Variants in ATG13 observed in about 807,000 individuals in gnomAD.
The protein encoded by ATG13 is autophagy related 13, also known as autophagy-related protein 13.
Under a neutral mutation model 65.5 loss-of-function variants are expected in ATG13, and 23 were observed. The ratio of observed to expected loss-of-function variants is 0.35; its 90% CI spans 0.25 to 0.50. The LOEUF is 0.50. Among genes scored for constraint, ATG13 ranks in the 20% least tolerant of loss-of-function variants. ATG13 has a pLI of 0.98. For missense variants in ATG13, 566 were observed against 677.0 expected, an observed-to-expected ratio of 0.84 and a Z score of 1.82; for synonymous variants, 252 against 245.2, an observed-to-expected ratio of 1.03 and a Z score of -0.26.
Position 46,669,420 on chromosome 11 carries a change from A to G in ATG13, c.1463A>G (p.Lys488Arg). The G allele has an allele frequency of 6.2e-7, 1 of 1,614,118 alleles. No homozygotes were observed. Among genetic ancestry groups the G allele is most frequent in the Non-Finnish European group, 8.5e-7 (1 of 1,179,988 alleles). The change falls in exon 18 of 19, where the codon AAA becomes AGA. Residue 488 changes from lysine (K) to arginine (R), a missense_variant. Transcript: ENST00000683050. ...VMIDFKPAFSKDDILPMDLGT... is the reference protein window; with the variant it reads ...VMIDFKPAFSRDDILPMDLGT... ...TTTTTGAAGAAACCAGCTTTTTCTA[A>G]AGATGACATTCTTCCGATGGACCTG... is the stretch of plus-strand genomic sequence containing the variant.
intron 2 of ATG13, among the ~76,000 whole-genome samples, chr11:46,639,073 T>C (rs7126343): frequency 0.17 from 26,019 of 151,994 alleles, 2,353 homozygotes; most frequent in African/African-American, 0.22. Context: ...CTGCAACCTC[T>C]GCCTCCCGGG....
intron 1 of ATG13, among the ~76,000 whole-genome samples, chr11:46,624,662 G>A (rs2048885460): frequency 6.6e-6 from 1 of 152,042 alleles, no homozygotes; most frequent in African/African-American, 2.4e-5. Flanking sequence ...ACATCAGAAG[G>A]GATGTGAAGT....
chr11:46,634,334 G>C (rs1179140644), intron 2 of ATG13, among the ~76,000 whole-genome samples: 1 of 151,822 alleles, frequency 6.6e-6, no homozygotes, highest in Admixed American at 6.6e-5. Context: ...TCCTGATCTT[G>C]TGATCCACCG....
intron 2 of ATG13, among the ~76,000 whole-genome samples, chr11:46,640,103 C>G (rs540374221): frequency 9.9e-5 from 15 of 152,216 alleles, no homozygotes; most frequent in East Asian, 3.9e-4. Flanking sequence ...TCTTGGCCCC[C>G]CAAAGTACTG....
At chr11:46,667,665 A>T in intron 14 of ATG13, 108 bp from the exon 15 acceptor site, 1 of 737,682 alleles carries the variant, frequency 1.4e-6, no homozygotes, top group Non-Finnish European at 2.2e-6. Flanking sequence ...GCCAGTGGGG[A>T]CCAACTCCTG....
In ATG13 at chr11:46,650,270, C is replaced by T. The variant is rs940934437; in HGVS notation, c.411C>T (p.Ala137=). ...TTGCTATAACTAGGGTGACACCAGC[C>T]TATAGGCTCTCCAGGAAACAAGGGC... The part of the protein sequence containing the change: ...SLLAITRVTP[A]YRLSRKQGHE... Residue 137 remains alanine (A), a synonymous_variant, in exon 7 of 19, where the codon GCC becomes GCT. Transcript: ENST00000683050. 1.9e-6 allele frequency: 3 copies of T among 1,614,048 alleles called. No individual in the cohort carries two copies. The highest frequency in any genetic ancestry group is 1.1e-5 in the South Asian group (1 of 91,080).
At chr11:46,671,113 C>G (rs562761469) in intron 18 of ATG13, among the ~76,000 whole-genome samples, 21 of 152,298 alleles carry the variant, frequency 1.4e-4, no homozygotes, top group Non-Finnish European at 2.6e-4. Flanking sequence ...ATGCCACAGC[C>G]GTAGCCAGTT....
chr11:46,619,945 C>T (rs976431643), intron 1 of ATG13, among the ~76,000 whole-genome samples: 1 of 148,690 alleles, frequency 6.7e-6, no homozygotes, highest in African/African-American at 2.5e-5. Flanking sequence ...AGGAGAATCG[C>T]TTGAACCCAG....
chr11:46,640,932 A>G (rs2055770682), intron 2 of ATG13, among the ~76,000 whole-genome samples: 1 of 152,206 alleles, frequency 6.6e-6, no homozygotes, highest in Non-Finnish European at 1.5e-5. Flanking sequence ...AGCTAAACAT[A>G]CGTACCGTGT....
At position 46,672,517 on chromosome 11, in the gene ATG13, G is replaced by T. The variant is rs1242765647; in HGVS notation, c.*185G>T. Reference sequence around the variant, plus strand: ...CTGGAGACTCCGTGGCGGCAGTCAAGCCCAGTGCCCAGTTGGAGAAGACTC... The same window carrying T: ...CTGGAGACTCCGTGGCGGCAGTCAATCCCAGTGCCCAGTTGGAGAAGACTC... On this transcript the variant is annotated 3_prime_UTR_variant, in exon 19 of 19. Coordinates refer to ENST00000683050, the MANE Select transcript of ATG13 (RefSeq NM_001346311.2). The T allele has an allele frequency of 1.4e-6, 2 of 1,465,366 alleles. No homozygotes were observed. The highest frequency in any genetic ancestry group is 1.8e-6 in the Non-Finnish European group (2 of 1,109,632). The allele number at this position is 1,465,366 out of a possible 1,614,324, so 90.8% of individuals were successfully genotyped here.
In ATG13 at chr11:46,657,088, C is replaced by T. The variant is rs758150923; in HGVS notation, c.500-7C>T. 5.4e-5 allele frequency: 87 copies of T among 1,610,030 alleles called. No homozygotes were observed. The highest frequency in any genetic ancestry group is 6.1e-5 in the Non-Finnish European group (72 of 1,176,446). On this transcript the variant is annotated splice_region_variant and splice_polypyrimidine_tract_variant and intron_variant, in intron 8 of 18. Transcript: ENST00000683050. ...AAAAGAAGCTAATAATGTATCTCTT[C>T]TCCTAGGCTTCCAGACAGTTCGTGT...
rs1253253234 is a variant in ATG13 at position 46,673,781 on chromosome 11, C to G, written c.*1449C>G. 1 of 152,236 alleles carries G rather than the reference C, an allele frequency of 6.6e-6. No individual in the cohort carries two copies. 9.4% of individuals were successfully genotyped at this position (152,236 alleles called of 1,614,324 possible). On this transcript the variant is annotated 3_prime_UTR_variant, in exon 19 of 19. Transcript: ENST00000683050. ...TCCCAGCCTCGCTGGTAGTCCTGGT[C>G]AAGGAGATCTAGGTCTACTCCATTC...
chr11:46,656,928 TACACAC>T (rs144572744), intron 8 of ATG13, 161 bp from the exon 9 acceptor site: 12 of 578,684 alleles, frequency 2.1e-5, no homozygotes, highest in Admixed American at 1.7e-4. Context: ...TACACGCACA[TACACAC>T]ACACACACAC....
At chr11:46,647,316 C>T (rs1369167721) in intron 5 of ATG13, among the ~76,000 whole-genome samples, 4 of 135,696 alleles carry the variant, frequency 2.9e-5, no homozygotes, top group African/African-American at 8.7e-5. Flanking sequence ...GAGACAGAGT[C>T]GCGTAGGTTG....
intron 6 of ATG13, among the ~76,000 whole-genome samples, chr11:46,649,877 C>T (rs1232453737): frequency 6.6e-6 from 1 of 152,098 alleles, no homozygotes; most frequent in East Asian, 1.9e-4. Flanking sequence ...TACATGTTTG[C>T]ACCTTCAGTG....
At chr11:46,622,112 TATATATATATA>T (rs2047839098) in intron 1 of ATG13, among the ~76,000 whole-genome samples, 3 of 86,130 alleles carry the variant, frequency 3.5e-5, no homozygotes, top group Admixed American at 1.1e-4. Context: ...TATATATATA[TATATATATATA>T]TATATTTATT....
chr11:46,645,946 T>A lies in ATG13; in HGVS notation c.227T>A (p.Val76Asp), dbSNP rs1350110919. The change falls in exon 5 of 19, where the codon GTC (valine) becomes GAC (aspartate). Residue 76 changes from valine to aspartate, a missense_variant. Physicochemically the swap from Val to Asp is radical, Grantham distance 152. Around this residue, in one of 2 missense-constraint regions of ATG13, gnomAD observed 179 missense variants for 267.2 expected, o/e 0.67. Coordinates refer to ENST00000683050, the MANE Select transcript of ATG13 (RefSeq NM_001346311.2). ...GCACTGGCAGGACAGCTGCCTGCAGTCGGGAGGTCCATGTGTGTGGAGATT... is the reference window on the plus strand; with the variant it reads ...GCACTGGCAGGACAGCTGCCTGCAGACGGGAGGTCCATGTGTGTGGAGATT... ...KKALAGQLPA[V>D]GRSMCVEISL... 16 of 1,614,064 alleles carry A rather than the reference T, an allele frequency of 9.9e-6. No homozygotes were observed. The highest frequency in any genetic ancestry group is 1.4e-5 in the Non-Finnish European group (16 of 1,180,026).
At position 46,650,157 on chromosome 11, in the gene ATG13, C is replaced by T. The variant is rs1216720489; in HGVS notation, c.318-20C>T. 1.2e-6 allele frequency: 2 copies of T among 1,611,610 alleles called. No homozygotes were observed. Among genetic ancestry groups the T allele is most frequent in the Middle Eastern group, 1.7e-4 (1 of 6,056 alleles). ...CAGCGCTAAATAGAAGAATGCTGACCATATCTTTGTGCCTGGCAGGTGTGA... is the reference window on the plus strand; with the variant it reads ...CAGCGCTAAATAGAAGAATGCTGACTATATCTTTGTGCCTGGCAGGTGTGA... On this transcript the variant is annotated intron_variant, in intron 6 of 18. Coordinates refer to ENST00000683050, the MANE Select transcript of ATG13 (RefSeq NM_001346311.2).
At chr11:46,666,962 C>G (rs1330501467) in intron 14 of ATG13, among the ~76,000 whole-genome samples, 1 of 151,838 alleles carries the variant, frequency 6.6e-6, no homozygotes, top group African/African-American at 2.4e-5. Flanking sequence ...TTATGTCATT[C>G]CTGGCTTCTC....
Sources: allele counts gnomAD v4.1 joint callset (sites outside exome capture counted in the v4.1 genomes callset), GRCh38; gene constraint gnomAD v4.1.1; regional missense constraint gnomAD v4.1.1; transcripts MANE v1.5; gene names NCBI Gene and HGNC (gene_info 2026-07-23, HGNC 2026-07-21).